ARHGEF11: variants seen among roughly 807,000 people sequenced by gnomAD.
The protein encoded by ARHGEF11 is Rho guanine nucleotide exchange factor 11, also known as Rho guanine exchange factor (GEF) 11.
Under a neutral mutation model 193.7 loss-of-function variants are expected in ARHGEF11, and 55 were observed. The ratio of observed to expected loss-of-function variants is 0.28; its 90% confidence interval spans 0.23 to 0.36. ARHGEF11 has a LOEUF of 0.36. Among genes scored for constraint, ARHGEF11 ranks in the 10% least tolerant of loss-of-function variants. The probability of loss-of-function intolerance (pLI) is 1.00; values close to 1 mark genes in which losing one functional copy is unlikely to be tolerated. For missense variants in ARHGEF11, 1,723 were observed against 2,005.6 expected, an observed-to-expected ratio of 0.86 and a Z score of 2.69; for synonymous variants, 693 against 768.0, an observed-to-expected ratio of 0.90 and a Z score of 1.62.
Position 156,948,526 on chromosome 1 carries a change from G to T in ARHGEF11, c.1926-28C>A. The T allele has an allele frequency of 6.2e-7, 1 of 1,614,138 alleles. No individual in the cohort carries two copies. Among genetic ancestry groups the T allele is most frequent in the South Asian group, 1.1e-5 (1 of 91,070 alleles). Reference sequence around the variant, plus strand: ...GGGGGGAAGGGACAAAAGACTTTGGGACTTGGGAAGTCAGTGGGCCATGCT... The same window carrying T: ...GGGGGGAAGGGACAAAAGACTTTGGTACTTGGGAAGTCAGTGGGCCATGCT... On this transcript the variant is annotated intron_variant, in intron 22 of 40. Transcript: ENST00000368194. The surrounding 1 kb of genome is among the most constrained non-coding windows in gnomAD (Gnocchi z 4.2).
Position 156,936,495 on chromosome 1 carries a change from AAAATATATATATAT to A in ARHGEF11, c.4630+307_4630+320del, listed in dbSNP as rs1337539845. On this transcript the variant is annotated intron_variant, in intron 40 of 40. Coordinates refer to ENST00000368194, the MANE Select transcript of ARHGEF11 (RefSeq NM_198236.3). Reference sequence around the variant, plus strand: ...CAAATAAATAGAAAAAAAAAAAAAAAAAATATATATATATATATATATATATATATAAAATTAAA... The same window carrying A: ...CAAATAAATAGAAAAAAAAAAAAAAAATATATATATATATATAAAATTAAA... Among the ~76,000 whole-genome samples, 13 of 57,106 alleles carry A rather than the reference AAAATATATATATAT, an allele frequency of 2.3e-4. 1 individual carries two copies. The highest frequency in any genetic ancestry group is 1.7e-3 in the South Asian group (2 of 1,156). 37.5% of individuals were successfully genotyped at this position (57,106 alleles called of 152,430 possible).
At chr1:157,031,523 TA>T (rs1671305826) in intron 1 of ARHGEF11, among the ~76,000 whole-genome samples, 1 of 152,188 alleles carries the variant, frequency 6.6e-6, no homozygotes, top group African/African-American at 2.4e-5. Context: ...TACCTACCAC[TA>T]TCCTCGGACC....
intron 1 of ARHGEF11, among the ~76,000 whole-genome samples, chr1:157,017,139 C>A (rs866770169): frequency 2.0e-5 from 3 of 152,106 alleles, no homozygotes; most frequent in African/African-American, 4.8e-5. Context: ...TGGAACTTCC[C>A]CAGATAGCTC....
At chr1:157,018,268 A>C (rs954487159) in intron 1 of ARHGEF11, among the ~76,000 whole-genome samples, 5 of 152,206 alleles carry the variant, frequency 3.3e-5, no homozygotes, top group African/African-American at 4.8e-5. Context: ...GAACTGATCT[A>C]TGGTTTCTGC....
At chr1:156,937,544 G>A (rs1301371450) in intron 38 of ARHGEF11, 48 bp from the exon 39 acceptor site, 13 of 1,496,592 alleles carry the variant, frequency 8.7e-6, no homozygotes, top group Non-Finnish European at 1.2e-5. Flanking sequence ...CAGAGAAGTC[G>A]AAGCTATCCT....
chr1:157,007,913 G>GT (rs10580966), intron 1 of ARHGEF11, among the ~76,000 whole-genome samples: 8 of 118,842 alleles, frequency 6.7e-5, no homozygotes, highest in East Asian at 2.4e-4. Context: ...TTTTTTTTTT[G>GT]TTTTTTTTTT....
chr1:156,959,671 C>T (rs1345608420), intron 15 of ARHGEF11, among the ~76,000 whole-genome samples: 1 of 152,228 alleles, frequency 6.6e-6, no homozygotes, highest in Non-Finnish European at 1.5e-5. Flanking sequence ...TCTGTTTACC[C>T]TATGCCTGGG....
chr1:156,957,327 T>C (rs1660090970), intron 18 of ARHGEF11, among the ~76,000 whole-genome samples: 1 of 151,608 alleles, frequency 6.6e-6, no homozygotes, highest in Non-Finnish European at 1.5e-5. Context: ...ATGAGATAAA[T>C]ATATAGGCTG....
chr1:156,967,848 G>A (rs1044140273), intron 11 of ARHGEF11, 139 bp downstream of exon 11: 16 of 1,078,980 alleles, frequency 1.5e-5, no homozygotes, highest in African/African-American at 7.8e-5. Context: ...TGCTCTCTAT[G>A]TAAGTGACTG....
intron 1 of ARHGEF11, among the ~76,000 whole-genome samples, chr1:157,009,571 G>A (rs1423520030): frequency 6.6e-6 from 1 of 152,154 alleles, no homozygotes; most frequent in Admixed American, 6.5e-5. Flanking sequence ...TCCTAAGGTT[G>A]GTGGTACTGA....
intron 1 of ARHGEF11, among the ~76,000 whole-genome samples, chr1:157,034,123 A>G (rs1243415162): frequency 6.6e-6 from 1 of 152,090 alleles, no homozygotes; most frequent in Non-Finnish European, 1.5e-5. Flanking sequence ...TCCTAGTGGT[A>G]TTTTTCCCCT....
In ARHGEF11 at chr1:156,936,493, A is replaced by T. The variant is rs1190701067; in HGVS notation, c.4630+323T>A. On this transcript the variant is annotated intron_variant, in intron 40 of 40. Transcript: ENST00000368194. ...CTCAAATAAATAGAAAAAAAAAAAA[A>T]AAAAATATATATATATATATATATA... Among the ~76,000 whole-genome samples, 224 of 62,372 alleles carry T rather than the reference A, an allele frequency of 3.6e-3. 7 individuals are homozygous for T. The highest frequency in any genetic ancestry group is 0.014 in the African/African-American group (198 of 14,354). 40.9% of individuals were successfully genotyped at this position (62,372 alleles called of 152,430 possible).
At position 156,942,892 on chromosome 1, in the gene ARHGEF11, G is replaced by A. The variant is rs1381397798; in HGVS notation, c.3236-112C>T. The A allele has an allele frequency of 6.0e-6, 5 of 829,618 alleles. No homozygotes were observed. In the African/African-American group the frequency reaches 8.4e-5, roughly 14 times the overall value. The allele number at this position is 829,618 out of a possible 1,614,324, so 51.4% of individuals were successfully genotyped here. On this transcript the variant is annotated intron_variant, in intron 32 of 40. Coordinates refer to ENST00000368194, the MANE Select transcript of ARHGEF11 (RefSeq NM_198236.3). ...AAAGCCCTGACCCTCAACGCAGATG[G>A]AGAGTGCAGCACGAGACAGATGTGG...
intron 21 of ARHGEF11, among the ~76,000 whole-genome samples, chr1:156,952,442 T>C (rs980036522): frequency 2.6e-5 from 4 of 152,156 alleles, no homozygotes; most frequent in African/African-American, 9.7e-5. Context: ...GATAAGGAAT[T>C]CACCTTCAAG....
intron 1 of ARHGEF11, among the ~76,000 whole-genome samples, chr1:157,015,427 C>T (rs1453372640): frequency 6.6e-6 from 1 of 152,172 alleles, no homozygotes; most frequent in Non-Finnish European, 1.5e-5. Context: ...TACATAAGTA[C>T]TATATGAGTA....
intron 1 of ARHGEF11, among the ~76,000 whole-genome samples, chr1:157,036,613 C>T (rs988018721): frequency 4.6e-5 from 7 of 152,020 alleles, no homozygotes; most frequent in Admixed American, 4.6e-4. Context: ...TGAGCCACCA[C>T]GCCCAGCCTC....
chr1:157,021,085 T>C (rs1416930400), intron 1 of ARHGEF11, among the ~76,000 whole-genome samples: 2 of 152,216 alleles, frequency 1.3e-5, no homozygotes, highest in Non-Finnish European at 2.9e-5. Context: ...TGTCAGTAAA[T>C]TCTCAGCAAT....
intron 1 of ARHGEF11, among the ~76,000 whole-genome samples, chr1:157,025,415 C>T (rs557241470): frequency 6.6e-6 from 1 of 152,140 alleles, no homozygotes; most frequent in Non-Finnish European, 1.5e-5. Context: ...TGAAATGAGA[C>T]AGGGCATAAA....
intron 20 of ARHGEF11, 50 bp downstream of exon 20, chr1:156,955,653 G>C: frequency 6.9e-7 from 1 of 1,439,434 alleles, no homozygotes; most frequent in South Asian, 1.1e-5. Context: ...TGAAAGGGCT[G>C]AGGTCCCTGC....
Sources: allele counts gnomAD v4.1 joint callset (sites outside exome capture counted in the v4.1 genomes callset), GRCh38; gene constraint gnomAD v4.1.1; non-coding constraint Gnocchi (gnomAD v3.1); transcripts MANE v1.5; gene names NCBI Gene and HGNC (gene_info 2026-07-23, HGNC 2026-07-21).